The following HSPA14 variants were observed in gnomAD, a reference collection of about 807,000 sequenced individuals.
The protein encoded by HSPA14 is heat shock protein family A (Hsp70) member 14, also known as heat shock 70 kDa protein 14.
Under a neutral mutation model 65.5 loss-of-function variants are expected in HSPA14, and 37 were observed. That is an observed-to-expected ratio of 0.56 (90% CI 0.43 to 0.74). The LOEUF (loss-of-function observed/expected upper bound fraction) is 0.74, where lower values mean the gene tolerates loss of function less well. Ranked by LOEUF, HSPA14 falls within the 30% of genes least tolerant of loss-of-function variation. HSPA14 has a pLI of 0.00. For missense variants in HSPA14, 564 were observed against 607.6 expected (o/e 0.93, Z 0.75); for synonymous variants, 203 against 214.2 (o/e 0.95, Z 0.46).
chr10:14,840,160 A>G lies in HSPA14; in HGVS notation c.221+3A>G. The G allele has an allele frequency of 7.6e-7, 1 of 1,323,690 alleles. No individual in the cohort carries two copies. The highest frequency in any genetic ancestry group is 1.0e-6 in the Non-Finnish European group (1 of 978,486). The allele number at this position is 1,323,690 out of a possible 1,614,324, so 82.0% of individuals were successfully genotyped here. Reference sequence around the variant, plus strand: ...GTAAAGCAGATCCTGGGCAGAAGGTATGGAATCAAATGATACTTTTAAATA... The same window carrying G: ...GTAAAGCAGATCCTGGGCAGAAGGTGTGGAATCAAATGATACTTTTAAATA... On this transcript the variant is annotated splice_donor_region_variant and intron_variant, in intron 3 of 13. Transcript: ENST00000378372.
intron 10 of HSPA14, among the ~76,000 whole-genome samples, chr10:14,861,984 C>A (rs1368487870): frequency 6.6e-6 from 1 of 151,286 alleles, no homozygotes; most frequent in African/African-American, 2.4e-5. Context: ...TGCACTCCAG[C>A]CTGGCAACAG....
At chr10:14,846,106 C>T in intron 3 of HSPA14, 1 of 983,158 alleles carries the variant, frequency 1.0e-6, no homozygotes, top group Non-Finnish European at 1.2e-6. Flanking sequence ...CTAAGTGCCA[C>T]ACCAGACATA....
At position 14,867,108 on chromosome 10, in the gene HSPA14, G is replaced by T; in HGVS notation, c.1019G>T (p.Arg340Leu). 3 of 1,613,208 alleles carry T rather than the reference G, an allele frequency of 1.9e-6. No individual in the cohort carries two copies. Among genetic ancestry groups the T allele is most frequent in the Non-Finnish European group, 2.5e-6 (3 of 1,179,416 alleles). Reference sequence around the variant, plus strand: ...GTTGTCCTTTGTGGAGGGTCTTCTCGAATCCCAAAGCTACAGCAACTGATT... The same window carrying T: ...GTTGTCCTTTGTGGAGGGTCTTCTCTAATCCCAAAGCTACAGCAACTGATT... ...NKVVLCGGSS[R>L]IPKLQQLIKD... Residue 340 changes from arginine (R) to leucine (L), a missense_variant, in exon 11 of 14, where the codon CGA becomes CTA. Physicochemically the swap from Arg to Leu is moderately radical, Grantham distance 102. Coordinates refer to ENST00000378372, the MANE Select transcript of HSPA14 (RefSeq NM_016299.4).
rs182633000 is a variant in HSPA14 at position 14,845,132 on chromosome 10, C to G, written c.222-3477C>G. 259 of 985,110 alleles carry G rather than the reference C, an allele frequency of 2.6e-4. 1 individual carries two copies. In the African/African-American group the frequency reaches 4.2e-3, roughly 16 times the overall value. The allele number at this position is 985,110 out of a possible 1,614,324, so 61.0% of individuals were successfully genotyped here. On this transcript the variant is annotated intron_variant, in intron 3 of 13. Coordinates refer to ENST00000378372, the MANE Select transcript of HSPA14 (RefSeq NM_016299.4). ...ATGAGCCTCCTCCACACCCCAGACA[C>G]ACACTGGGGAGAGATGAAGGTGATA...
Position 14,838,423 on chromosome 10 carries a change from C to T in HSPA14, c.21C>T (p.His7=). Residue 7 remains histidine (H), a synonymous_variant, in exon 1 of 14, where the codon CAC becomes CAT. Transcript: ENST00000378372. The part of the protein sequence containing the change: MAAIGV[H]LGCTSACVAV... ...GCCTCATGGCGGCCATCGGAGTTCACCTGGGCTGCACCTCAGCCTGTGTGG... is the reference window on the plus strand; with the variant it reads ...GCCTCATGGCGGCCATCGGAGTTCATCTGGGCTGCACCTCAGCCTGTGTGG... The T allele has an allele frequency of 6.2e-7, 1 of 1,606,520 alleles. No homozygotes were observed. Among genetic ancestry groups the T allele is most frequent in the South Asian group, 1.1e-5 (1 of 90,016 alleles).
In HSPA14 at chr10:14,852,507, AG is replaced by A; in HGVS notation, c.711del (p.Gln237HisfsTer3). On this transcript the variant is annotated frameshift_variant, in exon 8 of 14. Coordinates refer to ENST00000378372, the MANE Select transcript of HSPA14 (RefSeq NM_016299.4). LOFTEE classifies it high-confidence loss of function. ...GGAHFTETLA[Q>X]YLASEFQRSF... is the part of the protein sequence containing the mutation. ...GCACATTTCACAGAAACCTTAGCAC[AG>A]TATCTAGCTTCTGAGTTCCAAAGGT... 6.2e-7 allele frequency: 1 copy of A among 1,612,668 alleles called. No individual in the cohort carries two copies. Among genetic ancestry groups the A allele is most frequent in the Non-Finnish European group, 8.5e-7 (1 of 1,179,286 alleles).
At chr10:14,844,895 G>A (rs1045458329) in intron 3 of HSPA14, 1 of 985,198 alleles carries the variant, frequency 1.0e-6, no homozygotes, top group African/African-American at 1.7e-5. Context: ...TGTCTAGTAT[G>A]TTATACAGGG....
At chr10:14,854,302 CTT>C (rs756113694) in intron 9 of HSPA14, 22 bp downstream of exon 9, 42 of 1,556,382 alleles carry the variant, frequency 2.7e-5, no homozygotes, top group Non-Finnish European at 3.2e-5. Context: ...GTTCAAAAAA[CTT>C]TTTTAAAAAA....
At chr10:14,860,016 T>C (rs1021241814) in intron 10 of HSPA14, among the ~76,000 whole-genome samples, 7 of 152,242 alleles carry the variant, frequency 4.6e-5, no homozygotes, top group Non-Finnish European at 7.3e-5. Context: ...TCTGTTCAAA[T>C]CTTCTTTAAT....
chr10:14,871,625 A>G lies in HSPA14; in HGVS notation c.*19A>G. ...ATCTTAGTGTTTTAGAGAAATCAAG[A>G]ATTTTTAAAAACAAGAATATCAACA... On this transcript the variant is annotated 3_prime_UTR_variant, in exon 14 of 14. Transcript: ENST00000378372. 1 of 1,366,864 alleles carries G rather than the reference A, an allele frequency of 7.3e-7. No homozygotes were observed. Among genetic ancestry groups the G allele is most frequent in the South Asian group, 1.3e-5 (1 of 79,912 alleles). The allele number at this position is 1,366,864 out of a possible 1,614,324, so 84.7% of individuals were successfully genotyped here.
At chr10:14,852,245 G>C (rs1206035929) in intron 7 of HSPA14, 125 bp from the exon 8 acceptor site, 1 of 748,706 alleles carries the variant, frequency 1.3e-6, no homozygotes, top group African/African-American at 1.8e-5. Flanking sequence ...AGACAACTTA[G>C]TTATTCACCT....
intron 3 of HSPA14, among the ~76,000 whole-genome samples, chr10:14,841,483 C>A (rs1833970355): frequency 6.6e-6 from 1 of 152,114 alleles, no homozygotes; most frequent in South Asian, 2.1e-4. Flanking sequence ...GATTCACCAC[C>A]TCTCCCCGTG....
In HSPA14 at chr10:14,851,277, G is replaced by C; in HGVS notation, c.526G>C (p.Ala176Pro). 1 of 1,612,724 alleles carries C rather than the reference G, an allele frequency of 6.2e-7. No individual in the cohort carries two copies. Among genetic ancestry groups the C allele is most frequent in the Admixed American group, 1.7e-5 (1 of 59,938 alleles). ...GCGATTAATTCACGAACCGTCTGCA[G>C]CTCTTCTTGCTTATGGAATTGGACA... ...VLRLIHEPSA[A>P]LLAYGIGQDS... Residue 176 changes from alanine (A) to proline (P), a missense_variant, in exon 7 of 14, where the codon GCT (alanine) becomes CCT (proline). Ala to Pro is a conservative substitution (Grantham distance 27). Transcript: ENST00000378372.
At chr10:14,864,354 TA>T (rs1193209081) in intron 10 of HSPA14, among the ~76,000 whole-genome samples, 1 of 151,682 alleles carries the variant, frequency 6.6e-6, no homozygotes, top group Non-Finnish European at 1.5e-5. Flanking sequence ...TATTATACTT[TA>T]AGTTCTAGGG....
intron 10 of HSPA14, among the ~76,000 whole-genome samples, chr10:14,861,086 G>C (rs1248200117): frequency 6.6e-6 from 1 of 152,180 alleles, no homozygotes; most frequent in African/African-American, 2.4e-5. Context: ...TGGCAATGTG[G>C]AATGGCTTGT....
chr10:14,838,356 C>T lies in HSPA14; in HGVS notation c.-47C>T, dbSNP rs761174618. The T allele has an allele frequency of 2.6e-6, 4 of 1,557,466 alleles. No individual in the cohort carries two copies. Among genetic ancestry groups the T allele is most frequent in the African/African-American group, 1.3e-5 (1 of 74,200 alleles). On this transcript the variant is annotated 5_prime_UTR_variant, in exon 1 of 14. Coordinates refer to ENST00000378372, the MANE Select transcript of HSPA14 (RefSeq NM_016299.4). ...GCCGTTGGGCGGCCGGTAGCTGTTG[C>T]TGTTGGGGGACCCCCTCATTCCTGC...
chr10:14,849,934 G>C, intron 6 of HSPA14, 123 bp downstream of exon 6: 1 of 623,392 alleles, frequency 1.6e-6, no homozygotes, highest in Non-Finnish European at 2.8e-6. Context: ...AAATAATTTA[G>C]TAAGGTAATG....
intron 3 of HSPA14, chr10:14,844,021 T>G: frequency 6.9e-7 from 1 of 1,449,706 alleles, no homozygotes. Context: ...TATATCCAGA[T>G]AGTATGAAAA....
chr10:14,867,685 A>G, intron 11 of HSPA14, 51 bp from the exon 12 acceptor site: 1 of 1,520,540 alleles, frequency 6.6e-7, no homozygotes, highest in South Asian at 1.3e-5. Context: ...AGTTTTTTTC[A>G]ATTGTAAAGA....
Sources: gnomAD v4.1 joint callset for allele counts (sites outside exome capture counted in the v4.1 genomes callset) on GRCh38, gnomAD v4.1.1 for gene constraint, MANE v1.5 for transcripts, NCBI Gene and HGNC (gene_info 2026-07-23, HGNC 2026-07-21) for gene names.